PIGF: variants seen among roughly 807,000 people sequenced by gnomAD.
PIGF encodes the protein GPI ethanolamine phosphate transferase, stabilizing subunit.
A neutral mutation model predicts 26.0 loss-of-function variants in PIGF; 23 were observed. That is an observed-to-expected ratio of 0.88 (90% CI 0.64 to 1.25). PIGF has a LOEUF of 1.25. Ranked by LOEUF, PIGF falls within the 50% of genes most tolerant of loss-of-function variation. PIGF has a pLI of 0.00. For missense variants in PIGF, 278 were observed against 249.9 expected, an observed-to-expected ratio of 1.11 and a Z score of -0.76; for synonymous variants, 93 against 92.6, an observed-to-expected ratio of 1.00 and a Z score of -0.03.
chr2:46,607,297 T>C (rs974454075), intron 4 of PIGF, among the ~76,000 whole-genome samples: 1 of 152,360 alleles, frequency 6.6e-6, no homozygotes, highest in East Asian at 1.9e-4. Flanking sequence ...ACCCTTCTCA[T>C]GTCTATTTCC....
chr2:46,598,260 A>G (rs1669949975), intron 4 of PIGF, among the ~76,000 whole-genome samples: 1 of 150,944 alleles, frequency 6.6e-6, no homozygotes, highest in African/African-American at 2.4e-5. Context: ...TTCTGTCTTT[A>G]TATACTGCCT....
Position 46,615,100 on chromosome 2 carries a change from A to T in PIGF, c.65T>A (p.Leu22Gln), listed in dbSNP as rs1670568365. 2 of 1,584,910 alleles carry T rather than the reference A, an allele frequency of 1.3e-6. No homozygotes were observed. The highest frequency in any genetic ancestry group is 8.7e-7 in the Non-Finnish European group (1 of 1,153,378). The change falls in exon 2 of 6, where the codon CTA (leucine) becomes CAA (glutamine). Residue 22 changes from leucine to glutamine, a missense_variant. Physicochemically the swap from Leu to Gln is moderately radical, Grantham distance 113 (BLOSUM62 -2). Coordinates refer to ENST00000281382, the MANE Select transcript of PIGF (RefSeq NM_002643.4). The part of the protein sequence containing the change: ...THLLCIFSII[L>Q]SVFIPSLFLE... ...GAAGAGTGATGGAATGAAGACACTTAGGATAATTGAAAATATGCATAAAAG... is the reference window on the plus strand; with the variant it reads ...GAAGAGTGATGGAATGAAGACACTTTGGATAATTGAAAATATGCATAAAAG...
chr2:46,584,436 G>T (rs1197026619), intron 5 of PIGF, among the ~76,000 whole-genome samples: 14 of 152,074 alleles, frequency 9.2e-5, no homozygotes, highest in Admixed American at 9.2e-4. Context: ...TCCAATTTGG[G>T]TTACTAAATT....
chr2:46,614,361 C>G (rs1166014217), intron 2 of PIGF: 2 of 152,990 alleles, frequency 1.3e-5, no homozygotes, highest in Admixed American at 6.5e-5. Flanking sequence ...TTCAGCTTTT[C>G]CAATCATAGG....
At chr2:46,605,501 T>G (rs570332496) in intron 4 of PIGF, among the ~76,000 whole-genome samples, 57 of 152,280 alleles carry the variant, frequency 3.7e-4, no homozygotes, top group Non-Finnish European at 1.5e-5. Context: ...TGACATTTTT[T>G]AATCCATTCA....
In PIGF at chr2:46,614,915, GTTA is replaced by G; in HGVS notation, c.228+19_228+21del. 1 of 1,112,350 alleles carries G rather than the reference GTTA, an allele frequency of 9.0e-7. No homozygotes were observed. Among genetic ancestry groups the G allele is most frequent in the Non-Finnish European group, 1.4e-6 (1 of 728,554 alleles). 68.9% of individuals were successfully genotyped at this position (1,112,350 alleles called of 1,614,324 possible). On this transcript the variant is annotated intron_variant, in intron 2 of 5. Coordinates refer to ENST00000281382, the MANE Select transcript of PIGF (RefSeq NM_002643.4). Reference sequence around the variant, plus strand: ...AAACACTAGCTCCATCCAAAAATCAGTTATTGAGACATAAGCCTTACCTTGTGT... The same window carrying G: ...AAACACTAGCTCCATCCAAAAATCAGTTGAGACATAAGCCTTACCTTGTGT...
intron 4 of PIGF, among the ~76,000 whole-genome samples, chr2:46,600,569 T>C (rs1471028020): frequency 6.6e-6 from 1 of 152,090 alleles, no homozygotes; most frequent in Non-Finnish European, 1.5e-5. Context: ...CTATTGATGA[T>C]CCCATTCTGT....
At chr2:46,613,394 T>C (rs960607030) in intron 3 of PIGF, among the ~76,000 whole-genome samples, 13 of 152,328 alleles carry the variant, frequency 8.5e-5, no homozygotes, top group Middle Eastern at 3.4e-3. Context: ...CATATAATCA[T>C]AGTAAGTTCT....
chr2:46,612,090 G>A, intron 4 of PIGF, 138 bp downstream of exon 4: 1 of 362,224 alleles, frequency 2.8e-6, no homozygotes, highest in East Asian at 4.2e-5. Context: ...CCTAATTGCA[G>A]TGACCCCTTA....
At chr2:46,604,101 T>C (rs1670143741) in intron 4 of PIGF, among the ~76,000 whole-genome samples, 1 of 151,824 alleles carries the variant, frequency 6.6e-6, no homozygotes, top group Non-Finnish European at 1.5e-5. Context: ...GGTAAACAGG[T>C]ATATGAAAAG....
chr2:46,583,141 T>G (rs1037106636), intron 5 of PIGF: 4 of 151,910 alleles, frequency 2.6e-5, no homozygotes, highest in African/African-American at 9.7e-5. Context: ...TTTATGAGGA[T>G]TTTTTTTGGT....
intron 4 of PIGF, among the ~76,000 whole-genome samples, chr2:46,605,209 T>C (rs1670181567): frequency 6.6e-6 from 1 of 152,108 alleles, no homozygotes; most frequent in Non-Finnish European, 1.5e-5. Context: ...AATTATTTCC[T>C]AGCTTATTCA....
At chr2:46,586,190 G>A (rs190719709) in intron 5 of PIGF, among the ~76,000 whole-genome samples, 1 of 152,282 alleles carries the variant, frequency 6.6e-6, no homozygotes, top group Non-Finnish European at 1.5e-5. Context: ...CCTTACCTCA[G>A]AAGGTTACCC....
chr2:46,591,244 C>T (rs981807493), intron 5 of PIGF, among the ~76,000 whole-genome samples: 1 of 151,900 alleles, frequency 6.6e-6, no homozygotes, highest in Non-Finnish European at 1.5e-5. Flanking sequence ...GAATGAGCTC[C>T]ATAATATACT....
chr2:46,601,436 G>A (rs531558615), intron 4 of PIGF, among the ~76,000 whole-genome samples: 1 of 152,102 alleles, frequency 6.6e-6, no homozygotes, highest in Non-Finnish European at 1.5e-5. Context: ...GACACCTGAG[G>A]GTAGTTCATA....
intron 5 of PIGF, among the ~76,000 whole-genome samples, chr2:46,585,048 C>A (rs988263811): frequency 5.9e-5 from 9 of 152,164 alleles, no homozygotes; most frequent in Admixed American, 1.3e-4. Flanking sequence ...AGACATGTTT[C>A]TATTCAACGT....
chr2:46,585,671 C>T (rs940819536), intron 5 of PIGF, among the ~76,000 whole-genome samples: 1 of 152,172 alleles, frequency 6.6e-6, no homozygotes, highest in Non-Finnish European at 1.5e-5. Flanking sequence ...GTCACTGACA[C>T]TACTATGTAA....
At chr2:46,606,987 T>C (rs1361435634) in intron 4 of PIGF, among the ~76,000 whole-genome samples, 1 of 151,996 alleles carries the variant, frequency 6.6e-6, no homozygotes, top group East Asian at 1.9e-4. Flanking sequence ...TTATGCTAAG[T>C]AAAAAAAGGC....
At chr2:46,594,174 T>C (rs1669809840) in intron 4 of PIGF, among the ~76,000 whole-genome samples, 2 of 152,242 alleles carry the variant, frequency 1.3e-5, no homozygotes, top group Admixed American at 6.5e-5. Context: ...GGAATTGTAC[T>C]ATTTTAGCAA....
Sources: gnomAD v4.1 joint callset for allele counts (sites outside exome capture counted in the v4.1 genomes callset) on GRCh38, gnomAD v4.1.1 for gene constraint, MANE v1.5 for transcripts, NCBI Gene and HGNC (gene_info 2026-07-23, HGNC 2026-07-21) for gene names.